Variants in MIR2052HG observed in about 807,000 individuals in gnomAD.
MIR2052HG encodes the protein MIR2052 host gene.
intron 4 of MIR2052HG, among the ~76,000 whole-genome samples, chr8:74,719,299 A>G (rs1203069306): frequency 2.6e-5 from 4 of 152,168 alleles, no homozygotes; most frequent in Non-Finnish European, 2.9e-5. Context: ...TCAATATTAA[A>G]TGGTAATGAT....
At chr8:74,657,554 A>T (rs996260468) in intron 2 of MIR2052HG, among the ~76,000 whole-genome samples, 1 of 152,188 alleles carries the variant, frequency 6.6e-6, no homozygotes. Context: ...CTGCTGACAA[A>T]GACAAACCTG....
rs878952806 is a variant in MIR2052HG, at chr8:74,604,033, C to G, written n.128+4125C>G. 2.0e-5 allele frequency: 19 copies of G among 967,754 alleles called. 2 individuals carry two copies. The highest frequency in any genetic ancestry group is 7.7e-5 in the South Asian group (6 of 78,030). 59.9% of individuals were successfully genotyped at this position (967,754 alleles called of 1,614,324 possible). On this transcript the variant is annotated intron_variant and non_coding_transcript_variant, in intron 1 of 6. Transcript: ENST00000523442. The stretch of plus-strand genomic sequence containing the variant: ...CAGTTTGTCAATGATCATAGCAAAG[C>G]CTTTGAAGACGGCATTAGCAGGTCC...
intron 2 of MIR2052HG, among the ~76,000 whole-genome samples, chr8:74,667,316 G>C (rs1808940852): frequency 1.3e-5 from 2 of 152,118 alleles, no homozygotes; most frequent in Admixed American, 6.5e-5. Context: ...TTCTGTGGTA[G>C]AGCATCCTCA....
At position 74,626,201 on chromosome 8, in the gene MIR2052HG, G is replaced by A. The variant is rs191135089; in HGVS notation, n.216+13261G>A. Among the ~76,000 whole-genome samples the A allele has an allele frequency of 2.0e-5, 3 of 152,220 alleles. No homozygotes were observed. The East Asian group carries it at 5.8e-4, about 29-fold the overall frequency. Reference sequence around the variant, plus strand: ...TGCTGGGTTCTCCTCCCTTTTTGCTGCCAGCAATTATCACTGGATACCTCT... The same window carrying A: ...TGCTGGGTTCTCCTCCCTTTTTGCTACCAGCAATTATCACTGGATACCTCT... On this transcript the variant is annotated intron_variant and non_coding_transcript_variant, in intron 2 of 6. Coordinates refer to ENST00000523442, the Ensembl canonical transcript of MIR2052HG.
intron 2 of MIR2052HG, among the ~76,000 whole-genome samples, chr8:74,679,144 CATGGATAAGTT>C (rs1368796698): frequency 3.3e-5 from 5 of 151,890 alleles, no homozygotes; most frequent in African/African-American, 1.2e-4. Flanking sequence ...GTTTTTTGTT[CATGGATAAGTT>C]ATTTAGTGAT....
chr8:74,695,661 T>C (rs564344014), intron 2 of MIR2052HG, among the ~76,000 whole-genome samples: 1 of 152,156 alleles, frequency 6.6e-6, no homozygotes, highest in Non-Finnish European at 1.5e-5. Flanking sequence ...GGAGTAGCTA[T>C]TCTTACATCA....
At chr8:74,706,888 G>A (rs1809416469) in intron 4 of MIR2052HG, among the ~76,000 whole-genome samples, 1 of 152,034 alleles carries the variant, frequency 6.6e-6, no homozygotes. Flanking sequence ...TCGTTGGGGA[G>A]GATTTGCAAG....
intron 2 of MIR2052HG, among the ~76,000 whole-genome samples, chr8:74,673,608 A>C (rs561610507): frequency 6.6e-6 from 1 of 151,976 alleles, no homozygotes; most frequent in African/African-American, 2.4e-5. Flanking sequence ...CAAATTTTAT[A>C]TATATGTGGC....
In MIR2052HG at chr8:74,703,330, G is replaced by A. The variant is rs189267175; in HGVS notation, n.295-276G>A. On this transcript the variant is annotated intron_variant and non_coding_transcript_variant, in intron 3 of 6. Transcript: ENST00000523442. ...GAAGGATGCATCAGTACCATAATAA[G>A]TACATACTGTGAATCTTTATTTTAA... 3.3e-5 allele frequency among the ~76,000 whole-genome samples: 5 copies of A among 152,046 alleles called. No homozygotes were observed. In the East Asian group the frequency reaches 9.7e-4, roughly 29 times the overall value.
chr8:74,646,216 G>T (rs1249830473), intron 2 of MIR2052HG, among the ~76,000 whole-genome samples: 2 of 152,062 alleles, frequency 1.3e-5, no homozygotes, highest in African/African-American at 4.8e-5. Flanking sequence ...CCTCACCCAG[G>T]AATGGGGATC....
chr8:74,602,817 G>GTTTCTTTCTTTCTTTTTCTTTCTTTC (rs1808023773), intron 1 of MIR2052HG, among the ~76,000 whole-genome samples: 11 of 73,850 alleles, frequency 1.5e-4, no homozygotes, highest in East Asian at 7.3e-4. Context: ...GCCCGGCCGT[G>GTTTCTTTCTTTCTTTTTCTTTCTTTC]TTTCTTTCTT....
chr8:74,616,403 CTGG>C (rs1412545227), intron 2 of MIR2052HG, among the ~76,000 whole-genome samples: 11 of 148,676 alleles, frequency 7.4e-5, no homozygotes, highest in Non-Finnish European at 1.5e-4. Context: ...CTCATCGTCA[CTGG>C]CCATCAGAGA....
chr8:74,751,565 T>C (rs1331304820), intron 4 of MIR2052HG, among the ~76,000 whole-genome samples: 1 of 152,234 alleles, frequency 6.6e-6, no homozygotes. Flanking sequence ...CTGTCTTTCC[T>C]GCAGAAACAG....
chr8:74,606,590 A>T (rs1222941637), intron 1 of MIR2052HG, among the ~76,000 whole-genome samples: 1 of 152,220 alleles, frequency 6.6e-6, no homozygotes, highest in African/African-American at 2.4e-5. Context: ...TAAGTTAAAA[A>T]TTTATACAAT....
Position 74,738,133 on chromosome 8 carries a change from G to GTGTCTATC in MIR2052HG, n.372-14307_372-14306insGTCTATCT, listed in dbSNP as rs1554578695. Among the ~76,000 whole-genome samples the GTGTCTATC allele has an allele frequency of 6.7e-5, 10 of 149,630 alleles. No individual in the cohort carries two copies. In the East Asian group the frequency reaches 2.0e-3, roughly 30 times the overall value. On this transcript the variant is annotated intron_variant and non_coding_transcript_variant, in intron 4 of 6. Coordinates refer to ENST00000523442, the Ensembl canonical transcript of MIR2052HG. ...TGTATGTATGTATGTATGTATGTAT[G>GTGTCTATC]TATCTATCTATCTATCCATCTACCT...
At chr8:74,700,369 G>T (rs1425985388) in intron 2 of MIR2052HG, among the ~76,000 whole-genome samples, 1 of 152,160 alleles carries the variant, frequency 6.6e-6, no homozygotes, top group African/African-American at 2.4e-5. Flanking sequence ...GAAACGCCAT[G>T]TTCAATGCTC....
chr8:74,738,884 T>G (rs1171606640), intron 4 of MIR2052HG, among the ~76,000 whole-genome samples: 1 of 152,216 alleles, frequency 6.6e-6, no homozygotes, highest in East Asian at 1.9e-4. Context: ...GCCTCTGATC[T>G]AAGAGGATGT....
rs548237034 is a variant in MIR2052HG at position 74,643,420 on chromosome 8, A to AG, written n.216+30482dup. Reference sequence around the variant, plus strand: ...CAATTCCAGGAGGCAGAGTAAAAAAAGGATTGGTAAGGGAAAAGATGAATT... The same window carrying AG: ...CAATTCCAGGAGGCAGAGTAAAAAAAGGGATTGGTAAGGGAAAAGATGAATT... On this transcript the variant is annotated intron_variant and non_coding_transcript_variant, in intron 2 of 6. Transcript: ENST00000523442. Among the ~76,000 whole-genome samples the AG allele has an allele frequency of 3.8e-4, 58 of 152,322 alleles. 3 individuals are homozygous for AG. In the South Asian group the frequency reaches 0.012, roughly 31 times the overall value.
chr8:74,713,006 CA>C (rs761700449), intron 4 of MIR2052HG, among the ~76,000 whole-genome samples: 2 of 152,026 alleles, frequency 1.3e-5, no homozygotes, highest in African/African-American at 4.8e-5. Flanking sequence ...GTGTAGTATA[CA>C]GGCAAGAACC....
Sources: allele counts gnomAD v4.1 joint callset (sites outside exome capture counted in the v4.1 genomes callset), GRCh38; gene constraint gnomAD v4.1.1; transcripts MANE v1.5; gene names NCBI Gene and HGNC (gene_info 2026-07-23, HGNC 2026-07-21).